The following MIPOL1 variants were observed in gnomAD, a reference collection of about 807,000 sequenced individuals.
MIPOL1 encodes the protein mirror-image polydactyly gene 1 protein.
Under a neutral mutation model 60.9 loss-of-function variants are expected in MIPOL1, and 57 were observed. The observed-to-expected ratio is 0.94, with a 90% confidence interval of 0.76 to 1.17. The LOEUF is 1.17. MIPOL1 is among the 50% of genes most tolerant of loss of function. The pLI is 0.00. For missense variants in MIPOL1, 551 were observed against 511.6 expected (o/e 1.08, Z -0.74); for synonymous variants, 179 against 168.8 (o/e 1.06, Z -0.47).
intron 9 of MIPOL1, among the ~76,000 whole-genome samples, chr14:37,320,861 T>C (rs941430933): frequency 5.3e-5 from 8 of 152,140 alleles, no homozygotes; most frequent in African/African-American, 1.9e-4. Flanking sequence ...TGTCTCCCCA[T>C]CCTCCCAACA....
intron 11 of MIPOL1, among the ~76,000 whole-genome samples, chr14:37,458,446 G>A (rs2094501262): frequency 6.6e-6 from 1 of 152,100 alleles, no homozygotes; most frequent in Non-Finnish European, 1.5e-5. Context: ...AAATTCAACA[G>A]AATGGACATC....
At chr14:37,456,005 G>C (rs151126498) in intron 11 of MIPOL1, among the ~76,000 whole-genome samples, 3 of 151,840 alleles carry the variant, frequency 2.0e-5, no homozygotes, top group Non-Finnish European at 4.4e-5. Context: ...TTATTCAATT[G>C]TGTTTCAATA....
chr14:37,303,401 A>C (rs780348593), intron 7 of MIPOL1, among the ~76,000 whole-genome samples: 1 of 151,888 alleles, frequency 6.6e-6, no homozygotes, highest in Non-Finnish European at 1.5e-5. Flanking sequence ...ATCTGCCTAC[A>C]TATCCAAGCC....
At position 37,270,479 on chromosome 14, in the gene MIPOL1, A is replaced by G; in HGVS notation, c.447A>G (p.Glu149=). 1 of 1,602,282 alleles carries G rather than the reference A, an allele frequency of 6.2e-7. No homozygotes were observed. The highest frequency in any genetic ancestry group is 8.5e-7 in the Non-Finnish European group (1 of 1,174,008). Residue 149 remains glutamate (E), a synonymous_variant, in exon 6 of 13, where the codon GAA becomes GAG. Coordinates refer to ENST00000684589, the MANE Select transcript of MIPOL1 (RefSeq NM_001388067.1). ...KEQRKLKFKL[E]LQEKETEAKI... is the part of the protein sequence containing the mutation. ...AGAGAAAACTAAAGTTTAAGCTGGA[A>G]CTCCAAGAGAAAGAAACAGAAGCTA...
chr14:37,302,259 G>GT lies in MIPOL1; in HGVS notation c.624-5795dup, dbSNP rs1244984056. The stretch of plus-strand genomic sequence containing the variant: ...AAGGAATATACAAGCATTTGGAACT[G>GT]TTGTTTTTTTTTTTTTTTTTTTTCT... On this transcript the variant is annotated intron_variant, in intron 7 of 12. Coordinates refer to ENST00000684589, the MANE Select transcript of MIPOL1 (RefSeq NM_001388067.1). Among the ~76,000 whole-genome samples the GT allele has an allele frequency of 5.8e-3, 342 of 58,606 alleles. 3 individuals are homozygous for GT. Among genetic ancestry groups the GT allele is most frequent in the African/African-American group, 0.023 (317 of 14,016 alleles). The allele number at this position is 58,606 out of a possible 152,430, so 38.4% of individuals were successfully genotyped here. A position where few individuals can be genotyped will look rare whatever the true frequency, so the allele number is the denominator to read the frequency against.
At chr14:37,425,962 G>C (rs1201457660) in intron 11 of MIPOL1, among the ~76,000 whole-genome samples, 1 of 152,106 alleles carries the variant, frequency 6.6e-6, no homozygotes, top group Non-Finnish European at 1.5e-5. Flanking sequence ...ATAGCAATTT[G>C]GACAATAGAG....
intron 11 of MIPOL1, among the ~76,000 whole-genome samples, chr14:37,453,379 A>G (rs1308273459): frequency 1.3e-5 from 2 of 152,118 alleles, no homozygotes; most frequent in Non-Finnish European, 2.9e-5. Context: ...CCTGGAATTT[A>G]TATTTATACT....
chr14:37,267,349 G>A (rs1416583685), intron 4 of MIPOL1, among the ~76,000 whole-genome samples, 180 bp downstream of exon 4: 3 of 152,120 alleles, frequency 2.0e-5, no homozygotes, highest in Admixed American at 6.6e-5. Flanking sequence ...TCAGCCAGGT[G>A]TGGTGGCACA....
intron 11 of MIPOL1, among the ~76,000 whole-genome samples, chr14:37,431,831 C>T (rs1566593645): frequency 6.6e-6 from 1 of 151,482 alleles, no homozygotes; most frequent in Middle Eastern, 3.2e-3. Context: ...GTGATCCGCT[C>T]GCCTCAGCCT....
At chr14:37,374,839 T>C (rs554416557) in intron 10 of MIPOL1, among the ~76,000 whole-genome samples, 1 of 152,330 alleles carries the variant, frequency 6.6e-6, no homozygotes, top group East Asian at 1.9e-4. Context: ...TTTGTTCTTT[T>C]TGCTTAGGAT....
Position 37,393,969 on chromosome 14 carries a change from A to C in MIPOL1, c.936+24345A>C, listed in dbSNP as rs2093313001. Among the ~76,000 whole-genome samples, 3 of 146,924 alleles carry C rather than the reference A, an allele frequency of 2.0e-5. No individual in the cohort carries two copies. In the Admixed American group the frequency reaches 2.1e-4, roughly 10 times the overall value. On this transcript the variant is annotated intron_variant, in intron 10 of 12. Coordinates refer to ENST00000684589, the MANE Select transcript of MIPOL1 (RefSeq NM_001388067.1). Reference sequence around the variant, plus strand: ...GATGATGTTTGGCTTTCCATTCCTGAGTTACTTCACTTAGAATAATAGTCT... The same window carrying C: ...GATGATGTTTGGCTTTCCATTCCTGCGTTACTTCACTTAGAATAATAGTCT...
chr14:37,235,297 C>T (rs1971291845), intron 1 of MIPOL1, among the ~76,000 whole-genome samples: 1 of 152,120 alleles, frequency 6.6e-6, no homozygotes, highest in Non-Finnish European at 1.5e-5. Context: ...ATCTAATGAT[C>T]CAACAGTGAA....
intron 1 of MIPOL1, among the ~76,000 whole-genome samples, chr14:37,212,756 T>C (rs567507129): frequency 1.3e-5 from 2 of 152,084 alleles, no homozygotes; most frequent in Non-Finnish European, 2.9e-5. Context: ...ACAGCAGGCT[T>C]TGGGCGAGAT....
chr14:37,299,154 G>A (rs957915381), intron 7 of MIPOL1, among the ~76,000 whole-genome samples: 1 of 152,214 alleles, frequency 6.6e-6, no homozygotes, highest in South Asian at 2.1e-4. Flanking sequence ...GTAGGGACAT[G>A]GATGAAGCTG....
intron 1 of MIPOL1, among the ~76,000 whole-genome samples, chr14:37,233,553 T>C (rs1309983055): frequency 6.6e-6 from 1 of 152,212 alleles, no homozygotes; most frequent in Non-Finnish European, 1.5e-5. Flanking sequence ...AGTGCGGTCA[T>C]TTTTACATCA....
chr14:37,362,825 C>G (rs1304230134), intron 9 of MIPOL1, among the ~76,000 whole-genome samples: 1 of 152,116 alleles, frequency 6.6e-6, no homozygotes, highest in East Asian at 1.9e-4. Context: ...TCTTTTTTCT[C>G]TAAACTTCTC....
At chr14:37,216,822 A>G (rs1182503261) in intron 1 of MIPOL1, among the ~76,000 whole-genome samples, 2 of 152,196 alleles carry the variant, frequency 1.3e-5, no homozygotes, top group Non-Finnish European at 2.9e-5. Context: ...AGGTGCCTAC[A>G]TTAAAAAAGA....
intron 11 of MIPOL1, among the ~76,000 whole-genome samples, chr14:37,459,278 T>A (rs1053828115): frequency 2.0e-5 from 3 of 152,138 alleles, no homozygotes; most frequent in Admixed American, 2.0e-4. Context: ...CTAGCTAGAA[T>A]AACCAATAAC....
At chr14:37,203,765 C>G (rs1965658215) in intron 1 of MIPOL1, among the ~76,000 whole-genome samples, 2 of 152,096 alleles carry the variant, frequency 1.3e-5, no homozygotes, top group African/African-American at 4.8e-5. Context: ...GGTTCTCAGT[C>G]TAAAAAACCT....
Sources: allele counts gnomAD v4.1 joint callset (sites outside exome capture counted in the v4.1 genomes callset), GRCh38; gene constraint gnomAD v4.1.1; transcripts MANE v1.5; gene names NCBI Gene and HGNC (gene_info 2026-07-23, HGNC 2026-07-21).